Variants in CA10 observed in about 807,000 individuals in gnomAD.
CA10 encodes carbonic anhydrase-related protein 10.
CA10 carries 14 observed loss-of-function variants against 44.2 expected under a neutral mutation model. That is an observed-to-expected ratio of 0.32 (90% CI 0.21 to 0.50). CA10 has a LOEUF of 0.50. CA10 is among the 20% of genes least tolerant of loss of function. CA10 has a pLI of 0.99. For missense variants in CA10, 350 were observed against 409.7 expected (o/e 0.85, Z 1.26); for synonymous variants, 159 against 141.6 (o/e 1.12, Z -0.87).
At chr17:51,804,254 AAAAG>A (rs1486694557) in intron 3 of CA10, among the ~76,000 whole-genome samples, 2 of 150,842 alleles carry the variant, frequency 1.3e-5, no homozygotes, top group Non-Finnish European at 2.9e-5. Flanking sequence ...AGAGAACAAG[AAAAG>A]AAAGTCATTG....
intron 6 of CA10, among the ~76,000 whole-genome samples, chr17:51,638,899 G>GAGTCA (rs1187922933): frequency 6.6e-6 from 1 of 152,112 alleles, no homozygotes; most frequent in Non-Finnish European, 1.5e-5. Flanking sequence ...GCTAGAAAAA[G>GAGTCA]AGTCAAGGAA....
intron 2 of CA10, among the ~76,000 whole-genome samples, chr17:52,024,385 T>C (rs1045268446): frequency 1.2e-4 from 18 of 151,934 alleles, no homozygotes; most frequent in African/African-American, 3.4e-4. Context: ...GCCTATTAAG[T>C]AACATTAAGA....
chr17:51,640,373 C>A (rs113704635), intron 6 of CA10, among the ~76,000 whole-genome samples: 17 of 152,288 alleles, frequency 1.1e-4, no homozygotes, highest in Admixed American at 2.6e-4. Flanking sequence ...CCATCTCCCC[C>A]CTATGTCTCA....
chr17:51,649,495 T>C (rs531478798), intron 5 of CA10, among the ~76,000 whole-genome samples: 9 of 152,014 alleles, frequency 5.9e-5, no homozygotes, highest in African/African-American at 2.2e-4. Flanking sequence ...TATGATTGAG[T>C]CATTGGTGTA....
At chr17:51,715,578 A>G (rs1916082754) in intron 4 of CA10, among the ~76,000 whole-genome samples, 1 of 152,150 alleles carries the variant, frequency 6.6e-6, no homozygotes, top group African/African-American at 2.4e-5. Flanking sequence ...GTTACAAACA[A>G]TCCAATTACA....
At chr17:51,845,719 C>G (rs1978464237) in intron 3 of CA10, among the ~76,000 whole-genome samples, 1 of 152,196 alleles carries the variant, frequency 6.6e-6, no homozygotes, top group South Asian at 2.1e-4. Flanking sequence ...TTGTCCACCT[C>G]TTTTCCTGAC....
intron 3 of CA10, among the ~76,000 whole-genome samples, chr17:51,922,868 T>G (rs1982287565): frequency 6.6e-6 from 1 of 152,172 alleles, no homozygotes; most frequent in Non-Finnish European, 1.5e-5. Context: ...ACACCTACTT[T>G]TTCCTAGAGT....
intron 4 of CA10, among the ~76,000 whole-genome samples, chr17:51,730,699 CA>C (rs1013321469): frequency 6.6e-6 from 1 of 152,074 alleles, no homozygotes; most frequent in African/African-American, 2.4e-5. Context: ...AAAATGAGCA[CA>C]AAAATTAAAT....
chr17:51,732,989 C>A (rs1287920665), intron 4 of CA10, among the ~76,000 whole-genome samples: 1 of 152,064 alleles, frequency 6.6e-6, no homozygotes, highest in Non-Finnish European at 1.5e-5. Flanking sequence ...GTCCAGTTAC[C>A]CTTGAGTTCT....
intron 2 of CA10, among the ~76,000 whole-genome samples, chr17:52,046,025 C>A (rs886517036): frequency 1.3e-5 from 2 of 151,784 alleles, no homozygotes; most frequent in African/African-American, 4.8e-5. Context: ...ATAGTTTGAA[C>A]TGAATAAAAA....
At chr17:51,730,952 C>A (rs116390384) in intron 4 of CA10, among the ~76,000 whole-genome samples, 1 of 151,644 alleles carries the variant, frequency 6.6e-6, no homozygotes, top group Admixed American at 6.6e-5. Flanking sequence ...TGGAAAGGAC[C>A]GATACTAAAT....
chr17:51,702,436 G>C (rs1915632262), intron 4 of CA10, among the ~76,000 whole-genome samples: 2 of 152,138 alleles, frequency 1.3e-5, no homozygotes, highest in African/African-American at 2.4e-5. Flanking sequence ...TAGAAGGCTG[G>C]TGACAGGTCA....
At chr17:51,926,649 T>C (rs2079814546) in intron 3 of CA10, among the ~76,000 whole-genome samples, 1 of 152,194 alleles carries the variant, frequency 6.6e-6, no homozygotes, top group South Asian at 2.1e-4. Context: ...CTCATGGCCC[T>C]GTGTCACTCC....
At chr17:51,676,115 C>T (rs1348093854) in intron 4 of CA10, among the ~76,000 whole-genome samples, 4 of 152,162 alleles carry the variant, frequency 2.6e-5, no homozygotes, top group East Asian at 3.8e-4. Flanking sequence ...AGTTTGAGTA[C>T]GTGTTTTCAG....
At chr17:51,644,941 GGC>G (rs908093282) in intron 6 of CA10, among the ~76,000 whole-genome samples, 2 of 151,676 alleles carry the variant, frequency 1.3e-5, no homozygotes, top group African/African-American at 4.8e-5. Flanking sequence ...TGGAATTACA[GGC>G]GCGCGCCACA....
chr17:51,892,303 CTT>C (rs1265156666), intron 3 of CA10, among the ~76,000 whole-genome samples: 1 of 152,174 alleles, frequency 6.6e-6, no homozygotes, highest in East Asian at 1.9e-4. Flanking sequence ...AGAACTATCT[CTT>C]ATATAGAGCC....
chr17:51,679,633 C>T (rs1256620086), intron 4 of CA10, among the ~76,000 whole-genome samples: 2 of 151,410 alleles, frequency 1.3e-5, no homozygotes, highest in Non-Finnish European at 2.9e-5. Flanking sequence ...AATCTCAGCT[C>T]ACTGCAACCT....
At chr17:51,784,150 A>G (rs1906168714) in intron 3 of CA10, among the ~76,000 whole-genome samples, 1 of 152,196 alleles carries the variant, frequency 6.6e-6, no homozygotes, top group Non-Finnish European at 1.5e-5. Flanking sequence ...AGACAGCTTC[A>G]GTTACCCAAG....
At chr17:51,854,460 C>A (rs1321213799) in intron 3 of CA10, among the ~76,000 whole-genome samples, 1 of 152,186 alleles carries the variant, frequency 6.6e-6, no homozygotes, top group Non-Finnish European at 1.5e-5. Context: ...TCTCTTGACT[C>A]TATTACTAGT....
Sources: allele counts gnomAD v4.1 joint callset (sites outside exome capture counted in the v4.1 genomes callset), GRCh38; gene constraint gnomAD v4.1.1; transcripts MANE v1.5; gene names NCBI Gene and HGNC (gene_info 2026-07-23, HGNC 2026-07-21).